Variants in GNG7 observed in about 807,000 individuals in gnomAD.
The protein encoded by GNG7 is G protein subunit gamma 7, also known as guanine nucleotide-binding protein G(I)/G(S)/G(O) subunit gamma-7.
Under a neutral mutation model 4.0 loss-of-function variants are expected in GNG7, and 1 was observed. The observed-to-expected ratio is 0.25, with a 90% CI of 0.09 to 1.18. GNG7 has a LOEUF of 1.18. Among genes scored for constraint, GNG7 ranks in the 50% most tolerant of loss-of-function variants. The probability of loss-of-function intolerance (pLI) is 0.50; values close to 1 mark genes in which losing one functional copy is unlikely to be tolerated. For synonymous variants in GNG7, 34 were observed against 36.9 expected (o/e 0.92, Z 0.29); for missense variants, 86 against 91.9 (o/e 0.94, Z 0.26).
At chr19:2,644,055 C>G (rs1219445565) in intron 2 of GNG7, among the ~76,000 whole-genome samples, 2 of 151,990 alleles carry the variant, frequency 1.3e-5, no homozygotes, top group Non-Finnish European at 2.9e-5. Flanking sequence ...GAGTCTCGCT[C>G]TGTCGCCCAG....
intron 1 of GNG7, among the ~76,000 whole-genome samples, chr19:2,673,504 C>A (rs1022639292): frequency 1.3e-5 from 2 of 151,712 alleles, no homozygotes; most frequent in African/African-American, 4.8e-5. Flanking sequence ...ACCAGCCTGG[C>A]CAACATGGTG....
intron 3 of GNG7, among the ~76,000 whole-genome samples, chr19:2,549,630 T>C (rs1426785674): frequency 6.6e-6 from 1 of 151,836 alleles, no homozygotes; most frequent in African/African-American, 2.4e-5. Context: ...GGCCGGGGCA[T>C]TGTAAGGCTA....
intron 3 of GNG7, among the ~76,000 whole-genome samples, chr19:2,552,085 C>A (rs1292785401): frequency 6.6e-6 from 1 of 152,128 alleles, no homozygotes; most frequent in Non-Finnish European, 1.5e-5. Flanking sequence ...AAGCGTGAAC[C>A]CAATTGTGAA....
At chr19:2,684,570 C>T (rs1014162876) in intron 1 of GNG7, among the ~76,000 whole-genome samples, 1 of 152,206 alleles carries the variant, frequency 6.6e-6, no homozygotes, top group Non-Finnish European at 1.5e-5. Flanking sequence ...AATCCTGACA[C>T]AGGCCACGAT....
intron 2 of GNG7, chr19:2,632,013 G>A (rs1431110847): frequency 6.6e-6 from 1 of 152,222 alleles, no homozygotes; most frequent in African/African-American, 2.4e-5. Flanking sequence ...AACTAGCATC[G>A]ACTAGGCTAA....
Position 2,634,599 on chromosome 19 carries a change from A to G in GNG7, c.-78+11625T>C, listed in dbSNP as rs1259584836. On this transcript the variant is annotated intron_variant, in intron 2 of 4. Transcript: ENST00000382159. This position sits in a 1 kb window ranked among gnomAD's most constrained non-coding sequence, Gnocchi z 5.3. ...CCGTAATTACTTGCGGGCTGCACAC[A>G]CGTTTTCTCTCGGGGAGGGTGGTAG... Among the ~76,000 whole-genome samples the G allele has an allele frequency of 6.6e-6, 1 of 151,178 alleles. No individual in the cohort carries two copies. The highest frequency in any genetic ancestry group is 2.4e-5 in the African/African-American group (1 of 41,108).
intron 2 of GNG7, among the ~76,000 whole-genome samples, chr19:2,568,459 C>CAG (rs1474948337): frequency 4.5e-5 from 6 of 134,576 alleles, no homozygotes; most frequent in Admixed American, 7.1e-5. Flanking sequence ...CATATACATA[C>CAG]ACACACACAT....
intron 2 of GNG7, chr19:2,643,052 A>G (rs1175404493): frequency 2.2e-6 from 1 of 450,998 alleles, no homozygotes; most frequent in Non-Finnish European, 4.4e-6. Flanking sequence ...GCAAAGTCTG[A>G]GCCCTCTCCG....
intron 2 of GNG7, among the ~76,000 whole-genome samples, chr19:2,628,859 A>G (rs1982087224): frequency 6.6e-6 from 1 of 152,126 alleles, no homozygotes; most frequent in Admixed American, 6.5e-5. Context: ...CATCTGCAAA[A>G]TCCCTTTACC....
chr19:2,568,490 G>A (rs185642754), intron 2 of GNG7, among the ~76,000 whole-genome samples: 191 of 143,206 alleles, frequency 1.3e-3, no homozygotes, highest in African/African-American at 4.8e-3. Context: ...ACAGACTTAC[G>A]CACATACACA....
At chr19:2,686,253 G>A (rs1050549921) in intron 1 of GNG7, among the ~76,000 whole-genome samples, 8 of 151,938 alleles carry the variant, frequency 5.3e-5, no homozygotes, top group Non-Finnish European at 1.2e-4. Flanking sequence ...CGCCACCCGC[G>A]TTCAAGCGAT....
chr19:2,550,281 A>G (rs1280552260), intron 3 of GNG7, among the ~76,000 whole-genome samples: 5 of 152,070 alleles, frequency 3.3e-5, no homozygotes, highest in South Asian at 2.1e-4. Flanking sequence ...GCAGTGGCGC[A>G]ATCTCGGCTC....
At chr19:2,581,735 C>T (rs1450821569) in intron 2 of GNG7, among the ~76,000 whole-genome samples, 6 of 152,208 alleles carry the variant, frequency 3.9e-5, no homozygotes, top group Non-Finnish European at 8.8e-5. Context: ...TGAAACAACG[C>T]ATGAACCGTG....
chr19:2,536,949 T>TA (rs1568234932), intron 3 of GNG7, among the ~76,000 whole-genome samples: 8 of 146,402 alleles, frequency 5.5e-5, no homozygotes, highest in Non-Finnish European at 7.5e-5. Context: ...TATTTTTATT[T>TA]TTATTTTTTT....
chr19:2,691,285 C>T (rs539271042), intron 1 of GNG7, among the ~76,000 whole-genome samples: 41 of 152,198 alleles, frequency 2.7e-4, no homozygotes, highest in African/African-American at 8.7e-4. Context: ...AACGCATATC[C>T]GTAATCCCAG....
At chr19:2,552,571 G>C (rs1017892654) in intron 3 of GNG7, among the ~76,000 whole-genome samples, 3 of 151,742 alleles carry the variant, frequency 2.0e-5, no homozygotes, top group African/African-American at 4.8e-5. Context: ...TTTTAGTAGA[G>C]ATGAGGTTTC....
intron 1 of GNG7, among the ~76,000 whole-genome samples, chr19:2,682,062 A>C (rs1240497554): frequency 6.6e-6 from 1 of 152,084 alleles, no homozygotes; most frequent in African/African-American, 2.4e-5. Context: ...GGCGCGCGCC[A>C]CCACGCCCGG....
chr19:2,551,765 C>G (rs911691639), intron 3 of GNG7, among the ~76,000 whole-genome samples: 1 of 151,896 alleles, frequency 6.6e-6, no homozygotes, highest in Non-Finnish European at 1.5e-5. Context: ...CTCACTGCAA[C>G]CTCTGCCTCC....
intron 2 of GNG7, among the ~76,000 whole-genome samples, chr19:2,605,244 T>C (rs1416655833): frequency 6.6e-6 from 1 of 152,102 alleles, no homozygotes; most frequent in Non-Finnish European, 1.5e-5. Context: ...GTTGCCCAGG[T>C]TGGAGTGCAC....
Sources: allele counts gnomAD v4.1 joint callset (sites outside exome capture counted in the v4.1 genomes callset), GRCh38; gene constraint gnomAD v4.1.1; non-coding constraint Gnocchi (gnomAD v3.1); transcripts MANE v1.5; gene names NCBI Gene and HGNC (gene_info 2026-07-23, HGNC 2026-07-21).